SPIDR: variants seen among roughly 807,000 people sequenced by gnomAD.
SPIDR encodes DNA repair-scaffolding protein.
Under a neutral mutation model 104.6 loss-of-function variants are expected in SPIDR, and 93 were observed. The ratio of observed to expected loss-of-function variants is 0.89; its 90% CI spans 0.75 to 1.06. The LOEUF is 1.06. Ranked by LOEUF, SPIDR falls within the 50% of genes least tolerant of loss-of-function variation. The pLI, the probability that SPIDR is intolerant of heterozygous loss-of-function variation, is 0.00. For synonymous variants in SPIDR, 431 were observed against 416.9 expected (o/e 1.03, Z -0.41); for missense variants, 1,154 against 1,111.2 (o/e 1.04, Z -0.55).
intron 8 of SPIDR, among the ~76,000 whole-genome samples, chr8:47,513,540 T>C (rs2082679372): frequency 6.6e-6 from 1 of 152,254 alleles, no homozygotes. Flanking sequence ...AGGTGAAATC[T>C]GTTTGAATAC....
chr8:47,536,015 G>C (rs11998292), intron 8 of SPIDR, among the ~76,000 whole-genome samples: 1 of 151,864 alleles, frequency 6.6e-6, no homozygotes, highest in Non-Finnish European at 1.5e-5. Flanking sequence ...TTATATACTA[G>C]CAATGAACAA....
chr8:47,626,767 G>T (rs981621810), intron 10 of SPIDR, among the ~76,000 whole-genome samples: 3 of 152,198 alleles, frequency 2.0e-5, no homozygotes, highest in African/African-American at 7.2e-5. Flanking sequence ...TGGAGAAATA[G>T]GAACACTTTT....
intron 10 of SPIDR, among the ~76,000 whole-genome samples, chr8:47,621,038 T>C (rs1204091918): frequency 7.9e-5 from 12 of 151,750 alleles, no homozygotes; most frequent in Admixed American, 7.9e-4. Flanking sequence ...CTCACTGCAG[T>C]CTCCGCCTCC....
intron 8 of SPIDR, among the ~76,000 whole-genome samples, chr8:47,551,685 C>T (rs149524308): frequency 0.037 from 5,630 of 152,074 alleles, 141 homozygotes; most frequent in Middle Eastern, 0.058. Flanking sequence ...GTCTTGCTAG[C>T]GGTCTATCAA....
At chr8:47,449,954 C>T (rs551318735) in intron 8 of SPIDR, among the ~76,000 whole-genome samples, 1 of 152,204 alleles carries the variant, frequency 6.6e-6, no homozygotes, top group African/African-American at 2.4e-5. Context: ...CAGTGGATTG[C>T]TTGAGTCCAG....
Position 47,598,351 on chromosome 8 carries a change from T to C in SPIDR, c.1294-595T>C, listed in dbSNP as rs147689673. Among the ~76,000 whole-genome samples the C allele has an allele frequency of 1.6e-4, 24 of 152,310 alleles. 1 individual carries two copies. The highest frequency in any genetic ancestry group is 5.1e-4 in the African/African-American group (21 of 41,570). On this transcript the variant is annotated intron_variant, in intron 9 of 19. Coordinates refer to ENST00000297423, the MANE Select transcript of SPIDR (RefSeq NM_001080394.4). Reference sequence around the variant, plus strand: ...TCTGTAAAATGGAGGTGTGATATTATCTATCTTCTTGGGTGATTGTGTGAG... The same window carrying C: ...TCTGTAAAATGGAGGTGTGATATTACCTATCTTCTTGGGTGATTGTGTGAG...
intron 8 of SPIDR, among the ~76,000 whole-genome samples, chr8:47,482,138 C>T (rs1338627879): frequency 6.6e-6 from 1 of 152,190 alleles, no homozygotes; most frequent in Non-Finnish European, 1.5e-5. Flanking sequence ...CTGATATTGT[C>T]ATGAGCAGTT....
intron 8 of SPIDR, among the ~76,000 whole-genome samples, chr8:47,451,439 G>A (rs1017235088): frequency 3.3e-5 from 5 of 151,456 alleles, no homozygotes; most frequent in Admixed American, 6.6e-5. Flanking sequence ...AAAATTACCT[G>A]GATATGGTGG....
chr8:47,703,884 G>C (rs556597884), intron 14 of SPIDR, among the ~76,000 whole-genome samples: 61 of 152,256 alleles, frequency 4.0e-4, no homozygotes, highest in African/African-American at 1.3e-3. Flanking sequence ...TCAGGGAGAG[G>C]AGACGGGGAG....
intron 8 of SPIDR, among the ~76,000 whole-genome samples, chr8:47,493,233 AAT>A (rs1388177696): frequency 6.6e-6 from 1 of 152,176 alleles, no homozygotes; most frequent in South Asian, 2.1e-4. Flanking sequence ...GATTTCCAGT[AAT>A]AGAATTTGTT....
At chr8:47,542,598 G>T (rs970190416) in intron 8 of SPIDR, among the ~76,000 whole-genome samples, 2 of 152,108 alleles carry the variant, frequency 1.3e-5, no homozygotes, top group Non-Finnish European at 2.9e-5. Context: ...CTGATGAGAG[G>T]CATCCAAGTG....
At chr8:47,732,319 G>A (rs2085385173) in intron 19 of SPIDR, 1 of 649,412 alleles carries the variant, frequency 1.5e-6, no homozygotes, top group South Asian at 1.7e-5. Context: ...TGCAGTATGT[G>A]TGCATCAGAG....
chr8:47,418,960 G>A (rs1433927907), intron 7 of SPIDR: 3 of 152,232 alleles, frequency 2.0e-5, no homozygotes, highest in African/African-American at 7.2e-5. Flanking sequence ...GCATCCCATG[G>A]ATGAAGCCCA....
At chr8:47,498,473 T>C (rs1406732208) in intron 8 of SPIDR, among the ~76,000 whole-genome samples, 1 of 152,178 alleles carries the variant, frequency 6.6e-6, no homozygotes, top group African/African-American at 2.4e-5. Context: ...AAAGCAGTAA[T>C]ACAAAACAAT....
chr8:47,651,653 T>G (rs2154457203), intron 10 of SPIDR, among the ~76,000 whole-genome samples: 1 of 152,130 alleles, frequency 6.6e-6, no homozygotes, highest in East Asian at 1.9e-4. Context: ...TATACACATA[T>G]ATTTATTGCA....
At chr8:47,731,793 G>T (rs1393298289) in intron 19 of SPIDR, among the ~76,000 whole-genome samples, 1 of 152,246 alleles carries the variant, frequency 6.6e-6, no homozygotes, top group African/African-American at 2.4e-5. Context: ...GCCCAGAAAG[G>T]GGGGAACTGC....
In SPIDR at chr8:47,673,880, T is replaced by C; in HGVS notation, c.1624T>C (p.Leu542=). The C allele has an allele frequency of 6.2e-7, 1 of 1,614,066 alleles. No individual in the cohort carries two copies. Among genetic ancestry groups the C allele is most frequent in the Non-Finnish European group, 8.5e-7 (1 of 1,180,010 alleles). The change falls in exon 11 of 20, where the codon TTG becomes CTG. Residue 542 remains leucine (L), a synonymous_variant. Coordinates refer to ENST00000297423, the MANE Select transcript of SPIDR (RefSeq NM_001080394.4). ...LEFTMSKARQ[L]EGKSCSLVGM... The stretch of plus-strand genomic sequence containing the variant: ...GTTCACCATGTCGAAGGCAAGACAG[T>C]TGGAAGGGAAGTCTTGCAGCCTGGT...
At chr8:47,461,436 C>T (rs2073914056) in intron 8 of SPIDR, among the ~76,000 whole-genome samples, 1 of 152,096 alleles carries the variant, frequency 6.6e-6, no homozygotes, top group South Asian at 2.1e-4. Flanking sequence ...CTCAGCCTCC[C>T]AGGTATCTGG....
intron 5 of SPIDR, among the ~76,000 whole-genome samples, chr8:47,343,003 G>A (rs1012758993): frequency 1.3e-5 from 2 of 152,148 alleles, no homozygotes; most frequent in Non-Finnish European, 2.9e-5. Context: ...TATTATACTA[G>A]TAAATTAATA....
Sources: gnomAD v4.1 joint callset for allele counts (sites outside exome capture counted in the v4.1 genomes callset) on GRCh38, gnomAD v4.1.1 for gene constraint, MANE v1.5 for transcripts, NCBI Gene and HGNC (gene_info 2026-07-23, HGNC 2026-07-21) for gene names.